Variants in RPS6KA5 observed in about 807,000 individuals in gnomAD.
RPS6KA5 encodes ribosomal protein S6 kinase alpha-5.
RPS6KA5 carries 27 observed loss-of-function variants against 85.5 expected under a neutral mutation model. The ratio of observed to expected loss-of-function variants is 0.32; its 90% CI spans 0.23 to 0.44. RPS6KA5 has a LOEUF of 0.44. Among genes scored for constraint, RPS6KA5 ranks in the 20% least tolerant of loss-of-function variants. The probability of loss-of-function intolerance (pLI) is 1.00; values close to 1 mark genes in which losing one functional copy is unlikely to be tolerated. For missense variants in RPS6KA5, 811 were observed against 980.9 expected (o/e 0.83, Z 2.31); for synonymous variants, 334 against 348.2 (o/e 0.96, Z 0.46).
intron 3 of RPS6KA5, among the ~76,000 whole-genome samples, chr14:90,977,572 C>CTTTCTTT (rs1331317287): frequency 6.6e-6 from 1 of 151,908 alleles, no homozygotes; most frequent in Admixed American, 6.6e-5. Flanking sequence ...GAAGTCTTTT[C>CTTTCTTT]TTTCTTTTTT....
In RPS6KA5 at chr14:90,848,907, G is replaced by T. The variant is rs552287554; in HGVS notation, c.*23167C>A. 5.3e-5 allele frequency: 8 copies of T among 152,198 alleles called. No individual in the cohort carries two copies. The highest frequency in any genetic ancestry group is 5.2e-4 in the Admixed American group (8 of 15,268). 9.4% of individuals were successfully genotyped at this position (152,198 alleles called of 1,614,324 possible). A position where few individuals can be genotyped will look rare whatever the true frequency, so the allele number is the denominator to read the frequency against. Reference sequence around the variant, plus strand: ...TCCTTCTTAAAAACCTAGGGGGAAGGTGAGCTCCTGGGACATAAATACGCA... The same window carrying T: ...TCCTTCTTAAAAACCTAGGGGGAAGTTGAGCTCCTGGGACATAAATACGCA... On this transcript the variant is annotated 3_prime_UTR_variant, in exon 17 of 17. Coordinates refer to ENST00000614987, the MANE Select transcript of RPS6KA5 (RefSeq NM_004755.4).
Position 90,900,144 on chromosome 14 carries a change from C to CT in RPS6KA5, c.1342dup (p.Ser448LysfsTer2). On this transcript the variant is annotated frameshift_variant, in exon 11 of 17. Transcript: ENST00000614987. LOFTEE classifies it high-confidence loss of function. ...TATTTTGACTGCAAAAGCTTGGTTA[C>CT]TTTTTTTATGCACACACTTTCGACA... 6.2e-7 allele frequency: 1 copy of CT among 1,604,294 alleles called. No individual in the cohort carries two copies. The highest frequency in any genetic ancestry group is 8.5e-7 in the Non-Finnish European group (1 of 1,174,848).
intron 9 of RPS6KA5, among the ~76,000 whole-genome samples, 186 bp downstream of exon 9, chr14:90,902,622 T>C (rs1249121814): frequency 6.6e-6 from 1 of 152,194 alleles, no homozygotes; most frequent in Non-Finnish European, 1.5e-5. Flanking sequence ...GCATAAACAA[T>C]ATCTGCTATT....
At chr14:90,897,015 C>T (rs760264405) in intron 12 of RPS6KA5, among the ~76,000 whole-genome samples, 1 of 152,082 alleles carries the variant, frequency 6.6e-6, no homozygotes, top group African/African-American at 2.4e-5. Context: ...GAGCCAGGTC[C>T]GCAACTTTTT....
At chr14:90,933,066 C>T (rs2037071158) in intron 5 of RPS6KA5, among the ~76,000 whole-genome samples, 1 of 152,194 alleles carries the variant, frequency 6.6e-6, no homozygotes, top group African/African-American at 2.4e-5. Context: ...ATTCTCTTTC[C>T]TAAGGTTAAA....
At chr14:91,030,717 GTA>G (rs2042156650) in intron 1 of RPS6KA5, among the ~76,000 whole-genome samples, 1 of 150,458 alleles carries the variant, frequency 6.6e-6, no homozygotes, top group South Asian at 2.1e-4. Context: ...CCTTAAGGAG[GTA>G]TATAGTTCAA....
At chr14:90,919,657 T>C (rs1041762323) in intron 7 of RPS6KA5, among the ~76,000 whole-genome samples, 1 of 152,120 alleles carries the variant, frequency 6.6e-6, no homozygotes, top group Non-Finnish European at 1.5e-5. Flanking sequence ...GCTTACAATC[T>C]AGTGTGACAG....
At chr14:91,023,041 C>T (rs1387066612) in intron 1 of RPS6KA5, among the ~76,000 whole-genome samples, 2 of 146,098 alleles carry the variant, frequency 1.4e-5, no homozygotes, top group African/African-American at 5.1e-5. Flanking sequence ...GGTGAGATCA[C>T]GCCACTGCAC....
At chr14:91,006,376 A>G (rs991638603) in intron 1 of RPS6KA5, among the ~76,000 whole-genome samples, 5 of 152,204 alleles carry the variant, frequency 3.3e-5, no homozygotes, top group African/African-American at 1.2e-4. Flanking sequence ...TCCAAAATTC[A>G]TATGTTAAAA....
intron 13 of RPS6KA5, chr14:90,893,894 C>A: frequency 1.7e-6 from 1 of 573,460 alleles, no homozygotes; most frequent in Non-Finnish European, 2.2e-6. Flanking sequence ...ACATATAGTT[C>A]TATAAATATT....
chr14:90,970,300 C>T (rs959405639), intron 3 of RPS6KA5, among the ~76,000 whole-genome samples: 2 of 152,184 alleles, frequency 1.3e-5, no homozygotes, highest in Non-Finnish European at 2.9e-5. Context: ...ATACTAGTGA[C>T]TGTAATATAT....
chr14:90,907,815 T>C (rs1261656050), intron 7 of RPS6KA5, among the ~76,000 whole-genome samples: 1 of 152,214 alleles, frequency 6.6e-6, no homozygotes, highest in Non-Finnish European at 1.5e-5. Flanking sequence ...TCTTCTCAGA[T>C]CAGACACAAG....
rs570532457 is a variant in RPS6KA5, at chr14:91,001,476, G to C, written c.104-317C>G. ...AAATAAAAATTCTAATATGTAGATA[G>C]ATACATAGTGGGGAAAAAACTGGAT... On this transcript the variant is annotated intron_variant, in intron 1 of 16. Transcript: ENST00000614987. Among the ~76,000 whole-genome samples, 149 of 152,242 alleles carry C rather than the reference G, an allele frequency of 9.8e-4. 4 individuals carry two copies. In the South Asian group the frequency reaches 0.013, roughly 13 times the overall value.
intron 5 of RPS6KA5, among the ~76,000 whole-genome samples, chr14:90,932,298 A>AT (rs1166859589): frequency 1.3e-5 from 2 of 151,796 alleles, no homozygotes; most frequent in South Asian, 4.2e-4. Context: ...TAATTTTTTT[A>AT]TTTTTTTATA....
chr14:90,867,571 T>G lies in RPS6KA5; in HGVS notation c.*4503A>C, dbSNP rs1050014529. ...AGAATACTACTACAAAATGTCCTTC[T>G]ACCTCTCCCACAAGAAATACACCAG... On this transcript the variant is annotated 3_prime_UTR_variant, in exon 17 of 17. Coordinates refer to ENST00000614987, the MANE Select transcript of RPS6KA5 (RefSeq NM_004755.4). 3 of 152,186 alleles carry G rather than the reference T, an allele frequency of 2.0e-5. No homozygotes were observed. Among genetic ancestry groups the G allele is most frequent in the African/African-American group, 7.2e-5 (3 of 41,464 alleles). The allele number at this position is 152,186 out of a possible 1,614,324, so 9.4% of individuals were successfully genotyped here.
rs1296123235 is a variant in RPS6KA5 at position 90,865,591 on chromosome 14, C to T, written c.*6483G>A. The T allele has an allele frequency of 1.3e-5, 2 of 152,200 alleles. No individual in the cohort carries two copies. Among genetic ancestry groups the T allele is most frequent in the African/African-American group, 2.4e-5 (1 of 41,444 alleles). 9.4% of individuals were successfully genotyped at this position (152,200 alleles called of 1,614,324 possible). On this transcript the variant is annotated 3_prime_UTR_variant, in exon 17 of 17. Coordinates refer to ENST00000614987, the MANE Select transcript of RPS6KA5 (RefSeq NM_004755.4). ...ATATTTCAGACCTGTGCACTTTACA[C>T]ACCATGTTGCAATAACATTTTAAAC...
intron 3 of RPS6KA5, among the ~76,000 whole-genome samples, chr14:90,974,762 T>C (rs2039486392): frequency 6.6e-6 from 1 of 152,320 alleles, no homozygotes; most frequent in Non-Finnish European, 1.5e-5. Flanking sequence ...CAGCCAACTC[T>C]CCATCTGAAC....
At chr14:91,042,517 A>G (rs1367711890) in intron 1 of RPS6KA5, among the ~76,000 whole-genome samples, 1 of 152,206 alleles carries the variant, frequency 6.6e-6, no homozygotes, top group African/African-American at 2.4e-5. Flanking sequence ...CTCAAAAAAA[A>G]GAATTTTTTT....
intron 1 of RPS6KA5, among the ~76,000 whole-genome samples, chr14:91,024,866 T>A (rs2041925543): frequency 6.6e-6 from 1 of 152,210 alleles, no homozygotes; most frequent in African/African-American, 2.4e-5. Flanking sequence ...TCGCCTTTTT[T>A]TCATAGAGCC....
Sources: gnomAD v4.1 joint callset for allele counts (sites outside exome capture counted in the v4.1 genomes callset) on GRCh38, gnomAD v4.1.1 for gene constraint, MANE v1.5 for transcripts, NCBI Gene and HGNC (gene_info 2026-07-23, HGNC 2026-07-21) for gene names.